The following ASTN2 variants were observed in gnomAD, a reference collection of about 807,000 sequenced individuals.
The protein encoded by ASTN2 is astrotactin 2.
ASTN2 carries 54 observed loss-of-function variants against 139.8 expected under a neutral mutation model. The ratio of observed to expected loss-of-function variants is 0.39; its 90% CI spans 0.31 to 0.48. ASTN2 has a LOEUF of 0.48. Ranked by LOEUF, ASTN2 falls within the 20% of genes least tolerant of loss-of-function variation. ASTN2 has a pLI of 0.95. For synonymous variants in ASTN2, 756 were observed against 719.5 expected (o/e 1.05, Z -0.81); for missense variants, 1,565 against 1,725.1 (o/e 0.91, Z 1.64).
At chr9:117,259,543 T>C (rs1833772851) in intron 2 of ASTN2, among the ~76,000 whole-genome samples, 1 of 152,212 alleles carries the variant, frequency 6.6e-6, no homozygotes, top group African/African-American at 2.4e-5. Flanking sequence ...GCCTGCTACC[T>C]AGAGGCTTCA....
At position 116,940,238 on chromosome 9, in the gene ASTN2, T is replaced by C. The variant is rs545889404; in HGVS notation, c.1889+34970A>G. Among the ~76,000 whole-genome samples, 7 of 152,354 alleles carry C rather than the reference T, an allele frequency of 4.6e-5. No individual in the cohort carries two copies. The South Asian group carries it at 1.2e-3, about 27-fold the overall frequency. On this transcript the variant is annotated intron_variant, in intron 10 of 22. Coordinates refer to ENST00000313400, the MANE Select transcript of ASTN2 (RefSeq NM_001365068.1). ...CAGGGAATACAGTTATCAGCCACCA[T>C]GCTGGGCCTTTTTATTGTTATTTGA...
In ASTN2 at chr9:116,703,722, A is replaced by G. The variant is rs1205322823; in HGVS notation, c.2806+22049T>C. Among the ~76,000 whole-genome samples the G allele has an allele frequency of 7.6e-5, 4 of 52,812 alleles. No homozygotes were observed. The Admixed American group carries it at 8.0e-4, about 11-fold the overall frequency. The allele number at this position is 52,812 out of a possible 152,430, so 34.6% of individuals were successfully genotyped here. The stretch of plus-strand genomic sequence containing the variant: ...GCACATGTACCCTAAAACTTAAAGT[A>G]TAATAATAAAAAAAAAAAAAGTGCA... On this transcript the variant is annotated intron_variant, in intron 16 of 22. Coordinates refer to ENST00000313400, the MANE Select transcript of ASTN2 (RefSeq NM_001365068.1).
At chr9:117,260,876 T>A (rs7047332) in intron 2 of ASTN2, among the ~76,000 whole-genome samples, 4 of 152,000 alleles carry the variant, frequency 2.6e-5, no homozygotes, top group African/African-American at 9.7e-5. Flanking sequence ...TAGCTTAAAT[T>A]GACGGGGAAG....
chr9:116,517,299 T>A (rs1384836252), intron 19 of ASTN2, among the ~76,000 whole-genome samples: 2 of 152,228 alleles, frequency 1.3e-5, no homozygotes, highest in Non-Finnish European at 2.9e-5. Context: ...GGTGGTGGTA[T>A]CCATGGCTGC....
chr9:117,341,030 G>GA (rs1829048382), intron 1 of ASTN2, among the ~76,000 whole-genome samples: 1 of 152,072 alleles, frequency 6.6e-6, no homozygotes, highest in African/African-American at 2.4e-5. Flanking sequence ...AGGGACCCAA[G>GA]GTTATCCTTG....
chr9:116,971,860 A>G (rs1392895892), intron 10 of ASTN2, among the ~76,000 whole-genome samples: 1 of 152,182 alleles, frequency 6.6e-6, no homozygotes. Context: ...TTTTATTTCC[A>G]TTATTCTGAA....
intron 3 of ASTN2, among the ~76,000 whole-genome samples, chr9:117,212,388 GA>G (rs539612145): frequency 2.0e-5 from 3 of 148,926 alleles, no homozygotes; most frequent in African/African-American, 4.9e-5. Flanking sequence ...CACAGGCAAA[GA>G]AAAAAAAAGC....
At chr9:117,366,022 A>G (rs1288477694) in intron 1 of ASTN2, among the ~76,000 whole-genome samples, 1 of 152,166 alleles carries the variant, frequency 6.6e-6, no homozygotes, top group Non-Finnish European at 1.5e-5. Flanking sequence ...CTGATCTGCC[A>G]TTATCCAAGG....
At chr9:117,010,600 A>C (rs947528255) in intron 6 of ASTN2, among the ~76,000 whole-genome samples, 3 of 152,216 alleles carry the variant, frequency 2.0e-5, no homozygotes, top group Admixed American at 6.5e-5. Flanking sequence ...GTGTGATACC[A>C]ATTCCCTTTT....
chr9:116,797,999 A>G (rs1051502844), intron 13 of ASTN2, among the ~76,000 whole-genome samples: 3 of 152,236 alleles, frequency 2.0e-5, no homozygotes, highest in Admixed American at 6.5e-5. Flanking sequence ...AGCCAGGTGC[A>G]GTGACTCACA....
At chr9:117,300,740 G>A (rs973507459) in intron 1 of ASTN2, among the ~76,000 whole-genome samples, 2 of 152,198 alleles carry the variant, frequency 1.3e-5, no homozygotes, top group African/African-American at 4.8e-5. Flanking sequence ...GGGACAGAAG[G>A]TGGAGAAGTG....
At chr9:116,657,311 G>A (rs761324824) in intron 16 of ASTN2, among the ~76,000 whole-genome samples, 3 of 152,070 alleles carry the variant, frequency 2.0e-5, no homozygotes, top group Non-Finnish European at 4.4e-5. Context: ...TTAAGTAAGG[G>A]GCCTGGAACA....
At chr9:117,205,435 AGT>A (rs1831885189) in intron 3 of ASTN2, among the ~76,000 whole-genome samples, 1 of 152,170 alleles carries the variant, frequency 6.6e-6, no homozygotes, top group Non-Finnish European at 1.5e-5. Context: ...TGAAGCCAAG[AGT>A]GTTACATTCC....
rs150879281 is a variant in ASTN2 at position 117,211,135 on chromosome 9, C to G, written c.1015+3223G>C. On this transcript the variant is annotated intron_variant, in intron 3 of 22. Coordinates refer to ENST00000313400, the MANE Select transcript of ASTN2 (RefSeq NM_001365068.1). ...ACCAAACAAGACAAAAATGTCCACT[C>G]TAATCATTCTTGTCAAACACAATAC... 2.7e-3 allele frequency among the ~76,000 whole-genome samples: 411 copies of G among 152,238 alleles called. 1 individual carries two copies. Among genetic ancestry groups the G allele is most frequent in the African/African-American group, 9.0e-3 (375 of 41,558 alleles).
intron 4 of ASTN2, among the ~76,000 whole-genome samples, chr9:117,140,384 G>C (rs2132855668): frequency 6.6e-6 from 1 of 152,186 alleles, no homozygotes; most frequent in East Asian, 1.9e-4. Flanking sequence ...ACAGGAAATG[G>C]AGAAGTGAGA....
chr9:117,257,465 T>G (rs528776014), intron 2 of ASTN2, among the ~76,000 whole-genome samples: 1 of 152,212 alleles, frequency 6.6e-6, no homozygotes, highest in Non-Finnish European at 1.5e-5. Context: ...AAGATTGCCC[T>G]GTGAAGTGGT....
chr9:117,137,348 G>A (rs772440827), intron 4 of ASTN2, among the ~76,000 whole-genome samples: 12 of 152,192 alleles, frequency 7.9e-5, no homozygotes, highest in Non-Finnish European at 1.2e-4. Flanking sequence ...GCCCGGGGAT[G>A]AGGCCTAAGG....
intron 4 of ASTN2, among the ~76,000 whole-genome samples, chr9:117,127,672 GTTTTTTTTTTTTTTTT>G (rs11427891): frequency 1.4e-5 from 1 of 70,890 alleles, no homozygotes; most frequent in African/African-American, 5.9e-5. Context: ...TTTTGTTTTG[GTTTTTTTTTTTTTTTT>G]TTTTTTTTTT....
intron 3 of ASTN2, among the ~76,000 whole-genome samples, chr9:117,163,334 C>G (rs372886121): frequency 6.6e-6 from 1 of 152,100 alleles, no homozygotes. Flanking sequence ...CTTTGTATTA[C>G]CTAATGCTGA....
Sources: gnomAD v4.1 joint callset for allele counts (sites outside exome capture counted in the v4.1 genomes callset) on GRCh38, gnomAD v4.1.1 for gene constraint, MANE v1.5 for transcripts, NCBI Gene and HGNC (gene_info 2026-07-23, HGNC 2026-07-21) for gene names.